LRRTM4: variants seen among roughly 807,000 people sequenced by gnomAD.
The protein encoded by LRRTM4 is leucine-rich repeat transmembrane neuronal protein 4.
Under a neutral mutation model 47.6 loss-of-function variants are expected in LRRTM4, and 25 were observed. The observed-to-expected ratio is 0.53, with a 90% CI of 0.38 to 0.73. LRRTM4 has a LOEUF of 0.73. Ranked by LOEUF, LRRTM4 falls within the 30% of genes least tolerant of loss-of-function variation. LRRTM4 has a pLI of 0.00. For missense variants in LRRTM4, 638 were observed against 713.4 expected (o/e 0.89, Z 1.20); for synonymous variants, 311 against 269.5 (o/e 1.15, Z -1.51).
At position 77,103,667 on chromosome 2, in the gene LRRTM4, A is replaced by ATATATATATC. The variant is rs145819033; in HGVS notation, c.1552-354752_1552-354751insGATATATATA. ...TGAGTGTATATATATATATATAGAT[A>ATATATATATC]TATATATCACATATATGTATATATA... is the stretch of plus-strand genomic sequence containing the variant. On this transcript the variant is annotated intron_variant, in intron 3 of 3. Transcript: ENST00000409884. Among the ~76,000 whole-genome samples the ATATATATATC allele has an allele frequency of 5.1e-3, 748 of 146,248 alleles. 7 individuals carry two copies. The highest frequency in any genetic ancestry group is 0.042 in the East Asian group (200 of 4,736).
chr2:77,085,665 G>GA (rs1680686821), intron 3 of LRRTM4, among the ~76,000 whole-genome samples: 1 of 152,000 alleles, frequency 6.6e-6, no homozygotes, highest in African/African-American at 2.4e-5. Context: ...TTTTTAGCAA[G>GA]AAAAATGTGT....
At chr2:77,019,000 G>A (rs749621384) in intron 3 of LRRTM4, among the ~76,000 whole-genome samples, 5 of 151,828 alleles carry the variant, frequency 3.3e-5, no homozygotes, top group Non-Finnish European at 7.4e-5. Flanking sequence ...GAAAAAAAAT[G>A]AAATATCTTG....
At chr2:77,501,351 G>T (rs1035932762) in intron 3 of LRRTM4, among the ~76,000 whole-genome samples, 1 of 150,142 alleles carries the variant, frequency 6.7e-6, no homozygotes, top group Non-Finnish European at 1.5e-5. Context: ...TAGTCCATAC[G>T]CATAACATAT....
At chr2:77,367,985 T>C (rs1044492922) in intron 3 of LRRTM4, among the ~76,000 whole-genome samples, 4 of 151,842 alleles carry the variant, frequency 2.6e-5, no homozygotes, top group African/African-American at 9.7e-5. Flanking sequence ...TTTTTCATCG[T>C]TATAAAGCTC....
At chr2:77,123,477 T>C in intron 3 of LRRTM4, among the ~76,000 whole-genome samples, 1 of 152,072 alleles carries the variant, frequency 6.6e-6, no homozygotes, top group East Asian at 1.9e-4. Flanking sequence ...CAACTGTATT[T>C]TTGTGGGACT....
intron 3 of LRRTM4, among the ~76,000 whole-genome samples, chr2:77,150,076 G>A (rs919085669): frequency 3.9e-5 from 6 of 152,146 alleles, no homozygotes; most frequent in South Asian, 2.1e-4. Flanking sequence ...AAGAATAGAA[G>A]AGCAAATACT....
In LRRTM4 at chr2:77,169,488, T is replaced by C. The variant is rs79121899; in HGVS notation, c.1551+348830A>G. Among the ~76,000 whole-genome samples, 1,168 of 152,274 alleles carry C rather than the reference T, an allele frequency of 7.7e-3. 10 individuals are homozygous for C. The highest frequency in any genetic ancestry group is 0.026 in the African/African-American group (1,082 of 41,558). The stretch of plus-strand genomic sequence containing the variant: ...TGTTGAAATTTCATTGACATTGTGA[T>C]GGTATGAAGAGTTGGGTCTGTTAAG... On this transcript the variant is annotated intron_variant, in intron 3 of 3. Transcript: ENST00000409884.
intron 3 of LRRTM4, among the ~76,000 whole-genome samples, chr2:76,780,242 G>T (rs190695156): frequency 0.013 from 1,913 of 152,166 alleles, 44 homozygotes; most frequent in African/African-American, 0.042. Context: ...TATTGTCTTG[G>T]AGTTGCTCTT....
chr2:77,085,119 A>C (rs1048006351), intron 3 of LRRTM4, among the ~76,000 whole-genome samples: 9 of 152,120 alleles, frequency 5.9e-5, no homozygotes, highest in African/African-American at 2.2e-4. Context: ...TTATGTGTTA[A>C]ATGGGCTAGT....
intron 3 of LRRTM4, among the ~76,000 whole-genome samples, chr2:76,750,114 CTGTTT>C (rs1260318732): frequency 2.0e-5 from 3 of 152,174 alleles, no homozygotes; most frequent in Non-Finnish European, 4.4e-5. Context: ...TGTTGGTTTC[CTGTTT>C]TGTTTCTTCC....
chr2:77,455,461 C>T (rs1483454296), intron 3 of LRRTM4, among the ~76,000 whole-genome samples: 1 of 152,108 alleles, frequency 6.6e-6, no homozygotes, highest in Non-Finnish European at 1.5e-5. Flanking sequence ...CTCCAAATGA[C>T]ATGGTTTTCC....
intron 3 of LRRTM4, among the ~76,000 whole-genome samples, chr2:77,127,552 T>G (rs1671679822): frequency 6.6e-6 from 1 of 152,128 alleles, no homozygotes; most frequent in African/African-American, 2.4e-5. Context: ...ATATGGCACA[T>G]TTGAGATTAG....
intron 3 of LRRTM4, among the ~76,000 whole-genome samples, chr2:77,159,837 C>A (rs1366495167): frequency 6.6e-6 from 1 of 152,124 alleles, no homozygotes; most frequent in East Asian, 1.9e-4. Context: ...TGGTAACAAT[C>A]CTTCTTCCAC....
intron 3 of LRRTM4, among the ~76,000 whole-genome samples, chr2:76,835,575 G>A (rs548833008): frequency 1.1e-4 from 17 of 152,122 alleles, no homozygotes; most frequent in African/African-American, 3.1e-4. Flanking sequence ...CAAAATAAAT[G>A]CTCTGATCAT....
chr2:77,277,021 C>T (rs1234542560), intron 3 of LRRTM4, among the ~76,000 whole-genome samples: 1 of 151,630 alleles, frequency 6.6e-6, no homozygotes, highest in Non-Finnish European at 1.5e-5. Context: ...TCTGTGCTCG[C>T]CTATGTTCAG....
rs59335400 is a variant in LRRTM4 at position 77,207,372 on chromosome 2, T to TATATATACACACAC, written c.1551+310945_1551+310946insGTGTGTGTATATAT. On this transcript the variant is annotated intron_variant, in intron 3 of 3. Transcript: ENST00000409884. Reference sequence around the variant, plus strand: ...GTGTATATATATATATATATATATATACACACACACATATTTATATACACA... The same window carrying TATATATACACACAC: ...GTGTATATATATATATATATATATATATATATACACACACACACACACACATATTTATATACACA... 8.3e-3 allele frequency among the ~76,000 whole-genome samples: 1,089 copies of TATATATACACACAC among 130,964 alleles called. 11 individuals are homozygous for TATATATACACACAC. The highest frequency in any genetic ancestry group is 0.021 in the African/African-American group (648 of 30,850). 85.9% of individuals were successfully genotyped at this position (130,964 alleles called of 152,430 possible).
rs147516157 is a variant in LRRTM4, at chr2:76,946,801, T to C, written c.1552-197885A>G. Among the ~76,000 whole-genome samples the C allele has an allele frequency of 2.5e-3, 376 of 152,036 alleles. 1 individual carries two copies. Among genetic ancestry groups the C allele is most frequent in the African/African-American group, 8.6e-3 (358 of 41,546 alleles). ...TACAACATTAAAAAGTGGACGTTTT[T>C]ATTCCTGTAAAATTTTATTGAATTA... On this transcript the variant is annotated intron_variant, in intron 3 of 3. Coordinates refer to ENST00000409884, the MANE Select transcript of LRRTM4 (RefSeq NM_001134745.3).
At chr2:77,277,881 T>G (rs1440243064) in intron 3 of LRRTM4, among the ~76,000 whole-genome samples, 1 of 152,026 alleles carries the variant, frequency 6.6e-6, no homozygotes, top group Non-Finnish European at 1.5e-5. Flanking sequence ...CTGCAGCTAT[T>G]CATTTCATAT....
At chr2:77,507,643 G>C (rs1283580467) in intron 3 of LRRTM4, among the ~76,000 whole-genome samples, 1 of 151,752 alleles carries the variant, frequency 6.6e-6, no homozygotes, top group South Asian at 2.1e-4. Context: ...ATTAAAAAAA[G>C]GAAAAAAGAA....
Sources: gnomAD v4.1 joint callset for allele counts (sites outside exome capture counted in the v4.1 genomes callset) on GRCh38, gnomAD v4.1.1 for gene constraint, MANE v1.5 for transcripts, NCBI Gene and HGNC (gene_info 2026-07-23, HGNC 2026-07-21) for gene names.